TLDC2: variants seen among roughly 807,000 people sequenced by gnomAD.
TLDC2 encodes the protein TBC/LysM-associated domain containing 2.
A neutral mutation model predicts 27.9 loss-of-function variants in TLDC2; 23 were observed. That is an observed-to-expected ratio of 0.82 (90% CI 0.59 to 1.17). The LOEUF (loss-of-function observed/expected upper bound fraction) is 1.17. Ranked by LOEUF, TLDC2 falls within the 50% of genes most tolerant of loss-of-function variation. The pLI is 0.00. For missense variants in TLDC2, 286 were observed against 273.4 expected, an observed-to-expected ratio of 1.05 and a Z score of -0.32; for synonymous variants, 124 against 107.4, an observed-to-expected ratio of 1.16 and a Z score of -0.96.
chr20:36,893,057 C>T lies in TLDC2; in HGVS notation c.*213C>T, dbSNP rs940227703. The T allele has an allele frequency of 6.2e-7, 1 of 1,613,324 alleles. No individual in the cohort carries two copies. Among genetic ancestry groups the T allele is most frequent in the African/African-American group, 1.3e-5 (1 of 74,962 alleles). On this transcript the variant is annotated 3_prime_UTR_variant, in exon 7 of 7. Transcript: ENST00000217320. Reference sequence around the variant, plus strand: ...TGAGGTGTTATGAGTGGGGCTATAACATCGCCATCCTATTAGGAAGAGAGA... The same window carrying T: ...TGAGGTGTTATGAGTGGGGCTATAATATCGCCATCCTATTAGGAAGAGAGA...
intron 1 of TLDC2, among the ~76,000 whole-genome samples, chr20:36,876,817 A>C (rs1157124285): frequency 6.6e-6 from 1 of 152,170 alleles, no homozygotes; most frequent in African/African-American, 2.4e-5. Flanking sequence ...TGAATGAATG[A>C]GTGAATAATG....
chr20:36,880,851 T>A, intron 4 of TLDC2, 101 bp downstream of exon 4: 1 of 1,068,930 alleles, frequency 9.4e-7, no homozygotes, highest in East Asian at 2.4e-5. Flanking sequence ...ATGGGCTGCC[T>A]GGTGTGCCAC....
In TLDC2 at chr20:36,892,887, G is replaced by C. The variant is rs115645414; in HGVS notation, c.*43G>C. On this transcript the variant is annotated 3_prime_UTR_variant, in exon 7 of 7. Coordinates refer to ENST00000217320, the MANE Select transcript of TLDC2 (RefSeq NM_080628.3). Reference sequence around the variant, plus strand: ...AATTCTATGATTGAAGCCTCTAAATGAATTGTGCAGGAGAGGGAGTTTGTA... The same window carrying C: ...AATTCTATGATTGAAGCCTCTAAATCAATTGTGCAGGAGAGGGAGTTTGTA... 6.2e-7 allele frequency: 1 copy of C among 1,611,644 alleles called. No homozygotes were observed. Among genetic ancestry groups the C allele is most frequent in the South Asian group, 1.1e-5 (1 of 90,996 alleles).
chr20:36,894,028 T>G lies in TLDC2; in HGVS notation c.*1184T>G. ...GTGACTATTCTGTGGTTCTAGCTTT[T>G]GCAGGTGGCCCCAGCTCCTGGACTC... is the stretch of plus-strand genomic sequence containing the variant. On this transcript the variant is annotated 3_prime_UTR_variant, in exon 7 of 7. Coordinates refer to ENST00000217320, the MANE Select transcript of TLDC2 (RefSeq NM_080628.3). The G allele has an allele frequency of 2.5e-6, 1 of 398,010 alleles. No individual in the cohort carries two copies. Among genetic ancestry groups the G allele is most frequent in the Non-Finnish European group, 4.4e-6 (1 of 225,802 alleles). The allele number at this position is 398,010 out of a possible 1,614,324, so 24.7% of individuals were successfully genotyped here.
chr20:36,877,662 G>A (rs1182427000), intron 1 of TLDC2, among the ~76,000 whole-genome samples: 1 of 152,164 alleles, frequency 6.6e-6, no homozygotes, highest in Non-Finnish European at 1.5e-5. Flanking sequence ...TGCTGGCGGG[G>A]GTGGGGGGAC....
chr20:36,877,251 G>T (rs1458089619), intron 1 of TLDC2, among the ~76,000 whole-genome samples: 1 of 151,792 alleles, frequency 6.6e-6, no homozygotes, highest in African/African-American at 2.4e-5. Context: ...CATGGTGGTG[G>T]GCACCTGTCA....
At chr20:36,888,650 G>A (rs1355919224) in intron 5 of TLDC2, among the ~76,000 whole-genome samples, 2 of 141,942 alleles carry the variant, frequency 1.4e-5, no homozygotes. Flanking sequence ...AGCTTGCAGT[G>A]AGCCAAGATC....
At chr20:36,876,521 C>T (rs959007868) in intron 1 of TLDC2, among the ~76,000 whole-genome samples, 2 of 152,166 alleles carry the variant, frequency 1.3e-5, no homozygotes, top group Non-Finnish European at 2.9e-5. Flanking sequence ...GAGAACAGAG[C>T]GGGGCAGGAG....
Position 36,885,170 on chromosome 20 carries a change from C to A in TLDC2, c.439-2285C>A, listed in dbSNP as rs1053367042. On this transcript the variant is annotated intron_variant, in intron 4 of 6. Coordinates refer to ENST00000217320, the MANE Select transcript of TLDC2 (RefSeq NM_080628.3). ...GGGATTACAGGCGTGAGCCACCGTG[C>A]CCGGCCAGAGAACTTCTTTTACTTT... is the stretch of plus-strand genomic sequence containing the variant. Among the ~76,000 whole-genome samples, 3 of 152,286 alleles carry A rather than the reference C, an allele frequency of 2.0e-5. No individual in the cohort carries two copies. The East Asian group carries it at 5.8e-4, about 29-fold the overall frequency.
At chr20:36,889,679 G>GC (rs1413934799) in intron 6 of TLDC2, 9 of 263,474 alleles carry the variant, frequency 3.4e-5, no homozygotes, top group Non-Finnish European at 6.4e-5. Context: ...TCTCTTCCCC[G>GC]CTAGTGCCTG....
rs1279468492 is a variant in TLDC2, at chr20:36,893,460, C to A, written c.*616C>A. ...CTCTGCAATAAAAGGCCCAGGTCTA[C>A]AAGATGGCAAAGAAGGGGAGGAAGA... On this transcript the variant is annotated 3_prime_UTR_variant, in exon 7 of 7. Coordinates refer to ENST00000217320, the MANE Select transcript of TLDC2 (RefSeq NM_080628.3). 3 of 300,788 alleles carry A rather than the reference C, an allele frequency of 1.0e-5. No homozygotes were observed. In the Admixed American group the frequency reaches 1.4e-4, roughly 14 times the overall value. 18.6% of individuals were successfully genotyped at this position (300,788 alleles called of 1,614,324 possible). A position where few individuals can be genotyped will look rare whatever the true frequency, so the allele number is the denominator to read the frequency against.
intron 5 of TLDC2, among the ~76,000 whole-genome samples, chr20:36,888,750 G>A (rs1989985605): frequency 6.9e-6 from 1 of 145,982 alleles, no homozygotes; most frequent in South Asian, 2.2e-4. Flanking sequence ...ACCAGGCGCA[G>A]TGGCTCACAC....
intron 6 of TLDC2, 126 bp from the exon 7 acceptor site, chr20:36,892,736 T>G: frequency 1.4e-6 from 1 of 694,524 alleles, no homozygotes; most frequent in Non-Finnish European, 2.6e-6. Flanking sequence ...GGCAAGGTAA[T>G]GCTTTTCATA....
intron 4 of TLDC2, 40 bp from the exon 5 acceptor site, chr20:36,887,415 C>G: frequency 6.3e-7 from 1 of 1,580,926 alleles, no homozygotes; most frequent in Non-Finnish European, 8.7e-7. Context: ...GCGGGACTCG[C>G]TCGCTTAGTA....
chr20:36,885,124 G>A (rs1989894680), intron 4 of TLDC2, among the ~76,000 whole-genome samples: 1 of 152,112 alleles, frequency 6.6e-6, no homozygotes, highest in African/African-American at 2.4e-5. Context: ...TGATCCACCT[G>A]CCTTGGCCTC....
At chr20:36,888,941 G>A (rs1989989471) in intron 5 of TLDC2, among the ~76,000 whole-genome samples, 1 of 151,968 alleles carries the variant, frequency 6.6e-6, no homozygotes, top group South Asian at 2.1e-4. Context: ...AAAATTGCTT[G>A]AACCCGGGAG....
Position 36,894,150 on chromosome 20 carries a change from T to C in TLDC2, c.*1306T>C, listed in dbSNP as rs1214434061. 8 of 392,676 alleles carry C rather than the reference T, an allele frequency of 2.0e-5. No individual in the cohort carries two copies. Among genetic ancestry groups the C allele is most frequent in the African/African-American group, 1.0e-4 (5 of 48,506 alleles). 24.3% of individuals were successfully genotyped at this position (392,676 alleles called of 1,614,324 possible). On this transcript the variant is annotated 3_prime_UTR_variant, in exon 7 of 7. Coordinates refer to ENST00000217320, the MANE Select transcript of TLDC2 (RefSeq NM_080628.3). ...TGCTCATTTAGCTCTGCCAAAACTTTTGTATCTCACCCCCATGTTAAATTT... is the reference window on the plus strand; with the variant it reads ...TGCTCATTTAGCTCTGCCAAAACTTCTGTATCTCACCCCCATGTTAAATTT...
At chr20:36,887,617 T>C in intron 5 of TLDC2, 89 bp downstream of exon 5, 1 of 1,271,942 alleles carries the variant, frequency 7.9e-7, no homozygotes, top group South Asian at 1.2e-5. Context: ...CTGCCCTTGA[T>C]GCAATGGCGA....
chr20:36,887,115 G>C (rs1989937151), intron 4 of TLDC2, among the ~76,000 whole-genome samples: 2 of 152,114 alleles, frequency 1.3e-5, no homozygotes, highest in Admixed American at 1.3e-4. Context: ...GTCCGGGTGA[G>C]AGTTAGTTAG....
Sources: allele counts gnomAD v4.1 joint callset (sites outside exome capture counted in the v4.1 genomes callset), GRCh38; gene constraint gnomAD v4.1.1; transcripts MANE v1.5; gene names NCBI Gene and HGNC (gene_info 2026-07-23, HGNC 2026-07-21).